UGGT1: variants seen among roughly 807,000 people sequenced by gnomAD.
The protein encoded by UGGT1 is UDP-glucose glycoprotein glucosyltransferase 1, also known as UDP-glucose:glycoprotein glucosyltransferase 1.
Under a neutral mutation model 203.9 loss-of-function variants are expected in UGGT1, and 107 were observed. The observed-to-expected ratio is 0.52, with a 90% confidence interval of 0.45 to 0.62. The LOEUF (loss-of-function observed/expected upper bound fraction) is 0.62, where lower values mean the gene tolerates loss of function less well. Ranked by LOEUF, UGGT1 falls within the 20% of genes least tolerant of loss-of-function variation. The pLI is 0.00. For missense variants in UGGT1, 1,673 were observed against 1,867.2 expected, an observed-to-expected ratio of 0.90 and a Z score of 1.92; for synonymous variants, 628 against 653.5, an observed-to-expected ratio of 0.96 and a Z score of 0.59.
chr2:128,138,946 T>C lies in UGGT1; in HGVS notation c.1719+94T>C, dbSNP rs570078767. 5.9e-6 allele frequency: 9 copies of C among 1,517,646 alleles called. No homozygotes were observed. In the African/African-American group the frequency reaches 1.1e-4, roughly 19 times the overall value. The allele number at this position is 1,517,646 out of a possible 1,614,324, so 94.0% of individuals were successfully genotyped here. On this transcript the variant is annotated intron_variant, in intron 16 of 40. Transcript: ENST00000259253. ...CATTGTATGCTAGGCAGCTGGGGTG[T>C]ATAGAGCTCAGGGGTGGGTCCTGAA...
intron 16 of UGGT1, among the ~76,000 whole-genome samples, chr2:128,142,304 G>A (rs943443771): frequency 5.3e-4 from 81 of 151,700 alleles, no homozygotes; most frequent in African/African-American, 1.8e-3. Flanking sequence ...AGCTGATTCC[G>A]GCCAGGTGTG....
chr2:128,174,542 C>T (rs967034003), intron 30 of UGGT1, among the ~76,000 whole-genome samples: 1 of 152,108 alleles, frequency 6.6e-6, no homozygotes. Context: ...CTCAGTTGAT[C>T]CACCTGCCGT....
chr2:128,156,243 C>A, intron 20 of UGGT1, 149 bp from the exon 21 acceptor site: 1 of 642,002 alleles, frequency 1.6e-6, no homozygotes, highest in Non-Finnish European at 2.7e-6. Flanking sequence ...TCTTAGGGTA[C>A]TGGGACAGCG....
intron 34 of UGGT1, 105 bp downstream of exon 34, chr2:128,178,674 C>A: frequency 1.1e-6 from 1 of 925,106 alleles, no homozygotes; most frequent in Non-Finnish European, 1.6e-6. Context: ...ACTCCTGTGT[C>A]TTTGAAGCAC....
At chr2:128,173,556 A>C (rs1691223425) in intron 29 of UGGT1, among the ~76,000 whole-genome samples, 1 of 152,150 alleles carries the variant, frequency 6.6e-6, no homozygotes, top group Non-Finnish European at 1.5e-5. Flanking sequence ...TACCCCAAAA[A>C]GTTCTTTTAT....
At chr2:128,141,012 A>G (rs936431945) in intron 16 of UGGT1, among the ~76,000 whole-genome samples, 12 of 151,810 alleles carry the variant, frequency 7.9e-5, no homozygotes, top group Admixed American at 2.6e-4. Flanking sequence ...TCAGAAGTGA[A>G]GTAATACTGC....
intron 26 of UGGT1, among the ~76,000 whole-genome samples, chr2:128,167,289 C>G (rs2104767198): frequency 6.6e-6 from 1 of 152,252 alleles, no homozygotes; most frequent in African/African-American, 2.4e-5. Context: ...ATTAAAATAC[C>G]TTAATTATAA....
chr2:128,180,735 T>C (rs1055038344), intron 35 of UGGT1, among the ~76,000 whole-genome samples, 155 bp from the exon 36 acceptor site: 11 of 152,230 alleles, frequency 7.2e-5, no homozygotes, highest in Admixed American at 5.9e-4. Flanking sequence ...TGTTCTTCTA[T>C]GTAGTCATGA....
At chr2:128,124,464 A>T (rs959271915) in intron 11 of UGGT1, among the ~76,000 whole-genome samples, 7 of 152,042 alleles carry the variant, frequency 4.6e-5, no homozygotes, top group African/African-American at 7.2e-5. Flanking sequence ...GTGTGTTTTT[A>T]AAAAAATCTC....
chr2:128,103,064 T>A, intron 2 of UGGT1: 1 of 471,056 alleles, frequency 2.1e-6, no homozygotes, highest in South Asian at 1.5e-5. Flanking sequence ...ATTTTTCCCA[T>A]ATTTCTGTGT....
chr2:128,094,501 T>C (rs1030291382), intron 1 of UGGT1, among the ~76,000 whole-genome samples: 4 of 152,286 alleles, frequency 2.6e-5, no homozygotes, highest in Non-Finnish European at 5.9e-5. Context: ...GTGAGGCAGA[T>C]ACTATTATTC....
chr2:128,142,611 A>T (rs1689492248), intron 16 of UGGT1, among the ~76,000 whole-genome samples: 1 of 150,570 alleles, frequency 6.6e-6, no homozygotes, highest in South Asian at 2.1e-4. Context: ...AGAATATTTA[A>T]TTTCCAACCT....
intron 3 of UGGT1, among the ~76,000 whole-genome samples, chr2:128,105,216 A>G (rs1687550359): frequency 1.3e-5 from 2 of 151,356 alleles, no homozygotes; most frequent in Admixed American, 6.6e-5. Context: ...AATTTTTATT[A>G]AAATAATTCA....
At chr2:128,177,157 C>T (rs1369335114) in intron 32 of UGGT1, among the ~76,000 whole-genome samples, 1 of 151,896 alleles carries the variant, frequency 6.6e-6, no homozygotes, top group East Asian at 1.9e-4. Context: ...GTTTATATAG[C>T]CACAATTCAT....
At chr2:128,174,065 G>A (rs941404349) in intron 30 of UGGT1, 126 bp downstream of exon 30, 2 of 1,175,666 alleles carry the variant, frequency 1.7e-6, no homozygotes, top group South Asian at 3.1e-5. Context: ...GCTGAATTTG[G>A]TCAATATAGA....
At chr2:128,149,020 TA>T (rs912536840) in intron 18 of UGGT1, among the ~76,000 whole-genome samples, 6 of 152,040 alleles carry the variant, frequency 3.9e-5, no homozygotes, top group African/African-American at 1.4e-4. Context: ...TGGGGCAAAT[TA>T]ATTGTTACAA....
intron 18 of UGGT1, among the ~76,000 whole-genome samples, chr2:128,150,778 G>A (rs1399526015): frequency 6.7e-6 from 1 of 150,212 alleles, no homozygotes; most frequent in Admixed American, 6.7e-5. Context: ...GAATACAGAT[G>A]TTTAAATATG....
intron 29 of UGGT1, among the ~76,000 whole-genome samples, 160 bp from the exon 30 acceptor site, chr2:128,173,618 TCTG>T (rs766012792): frequency 6.6e-5 from 10 of 152,246 alleles, no homozygotes; most frequent in Non-Finnish European, 1.0e-4. Context: ...CAACAACTGA[TCTG>T]CTTTCTGTCA....
chr2:128,102,423 C>T (rs1017819205), intron 2 of UGGT1, among the ~76,000 whole-genome samples: 45 of 152,236 alleles, frequency 3.0e-4, no homozygotes, highest in African/African-American at 1.0e-3. Context: ...GGATTACAGG[C>T]GTGAGCCACG....
Sources: gnomAD v4.1 joint callset for allele counts (sites outside exome capture counted in the v4.1 genomes callset) on GRCh38, gnomAD v4.1.1 for gene constraint, MANE v1.5 for transcripts, NCBI Gene and HGNC (gene_info 2026-07-23, HGNC 2026-07-21) for gene names.